Variants in GRM7 observed in about 807,000 individuals in gnomAD.
GRM7 encodes metabotropic glutamate receptor 7.
A neutral mutation model predicts 84.5 loss-of-function variants in GRM7; 35 were observed. The observed-to-expected ratio is 0.41, with a 90% CI of 0.32 to 0.55. GRM7 has a LOEUF of 0.55. GRM7 is among the 20% of genes least tolerant of loss of function. GRM7 has a pLI of 0.19. For synonymous variants in GRM7, 487 were observed against 455.1 expected (o/e 1.07, Z -0.89); for missense variants, 1,003 against 1,194.6 (o/e 0.84, Z 2.36).
chr3:7,253,419 A>T (rs534898876), intron 2 of GRM7, among the ~76,000 whole-genome samples: 60 of 152,110 alleles, frequency 3.9e-4, no homozygotes, highest in Admixed American at 1.8e-3. Flanking sequence ...GTTGGAGTCC[A>T]GCCTGGCCAA....
chr3:7,617,579 T>C, intron 8 of GRM7, among the ~76,000 whole-genome samples: 1 of 152,034 alleles, frequency 6.6e-6, no homozygotes, highest in East Asian at 1.9e-4. Flanking sequence ...AAAATATTGT[T>C]AGCAAACAAA....
chr3:7,560,878 G>A (rs1693992451), intron 7 of GRM7, among the ~76,000 whole-genome samples: 1 of 151,858 alleles, frequency 6.6e-6, no homozygotes, highest in Non-Finnish European at 1.5e-5. Flanking sequence ...TATTATTTTT[G>A]CCTTGGCCGT....
At chr3:7,718,110 T>C (rs1025081578) in intron 9 of GRM7, among the ~76,000 whole-genome samples, 1 of 152,196 alleles carries the variant, frequency 6.6e-6, no homozygotes, top group Non-Finnish European at 1.5e-5. Flanking sequence ...ACTTAACCTC[T>C]CTGTGCCTCT....
intron 1 of GRM7, among the ~76,000 whole-genome samples, chr3:7,131,715 G>C (rs190680969): frequency 6.8e-4 from 104 of 152,176 alleles, no homozygotes; most frequent in African/African-American, 2.5e-3. Context: ...TTGACCTCGT[G>C]ATCCACCCGT....
At chr3:7,024,892 T>C (rs1489218137) in intron 1 of GRM7, among the ~76,000 whole-genome samples, 1 of 152,232 alleles carries the variant, frequency 6.6e-6, no homozygotes, top group Non-Finnish European at 1.5e-5. Context: ...ACCACAACCT[T>C]AGTGGCTTAA....
At chr3:7,446,177 A>G (rs1019993752) in intron 5 of GRM7, among the ~76,000 whole-genome samples, 29 of 152,324 alleles carry the variant, frequency 1.9e-4, no homozygotes, top group Non-Finnish European at 4.0e-4. Context: ...GCAAAGTCTA[A>G]AAGCACTGCC....
chr3:7,255,978 T>G (rs1698181313), intron 2 of GRM7, among the ~76,000 whole-genome samples: 1 of 152,162 alleles, frequency 6.6e-6, no homozygotes, highest in African/African-American at 2.4e-5. Flanking sequence ...ATAAAATACA[T>G]GCCTTTCACC....
chr3:7,546,089 T>A (rs1340183601), intron 7 of GRM7, among the ~76,000 whole-genome samples: 1 of 152,196 alleles, frequency 6.6e-6, no homozygotes. Flanking sequence ...ATTAAAACCA[T>A]ACTAAAAGTG....
At chr3:7,638,492 G>C (rs982180718) in intron 8 of GRM7, among the ~76,000 whole-genome samples, 1 of 152,110 alleles carries the variant, frequency 6.6e-6, no homozygotes, top group Non-Finnish European at 1.5e-5. Context: ...TGCCCACTAA[G>C]GTCTCCACAT....
At chr3:7,440,869 A>G (rs1469700991) in intron 5 of GRM7, among the ~76,000 whole-genome samples, 1 of 152,116 alleles carries the variant, frequency 6.6e-6, no homozygotes, top group Non-Finnish European at 1.5e-5. Flanking sequence ...GTGTATATGT[A>G]CTACATTTTC....
chr3:7,160,369 G>C (rs148751645), intron 2 of GRM7, among the ~76,000 whole-genome samples: 1 of 152,160 alleles, frequency 6.6e-6, no homozygotes, highest in Non-Finnish European at 1.5e-5. Context: ...GAACATGTCA[G>C]AGGAATGGAT....
At position 7,574,570 on chromosome 3, in the gene GRM7, T is replaced by A. The variant is rs137927578; in HGVS notation, c.1516-3852T>A. On this transcript the variant is annotated intron_variant, in intron 7 of 9. Transcript: ENST00000357716. ...TGGAAGTGAGAAGTACAAAATAGAG[T>A]CACGTGTCAAAACGCTAACCAAAAT... Among the ~76,000 whole-genome samples the A allele has an allele frequency of 1.6e-3, 249 of 152,038 alleles. 2 individuals are homozygous for A. The highest frequency in any genetic ancestry group is 1.2e-3 in the Non-Finnish European group (81 of 67,982).
intron 1 of GRM7, among the ~76,000 whole-genome samples, chr3:6,890,585 T>A (rs943477273): frequency 6.6e-6 from 1 of 152,230 alleles, no homozygotes; most frequent in Non-Finnish European, 1.5e-5. Flanking sequence ...GATTGCACTG[T>A]GGTCTGAGAG....
intron 1 of GRM7, among the ~76,000 whole-genome samples, chr3:7,046,224 TTTTG>T (rs775738207): frequency 2.0e-5 from 3 of 152,102 alleles, no homozygotes; most frequent in Non-Finnish European, 2.9e-5. Context: ...ATCTGTGTGT[TTTTG>T]TTTGTTTGTT....
chr3:7,684,087 T>C (rs2125144675), intron 9 of GRM7, among the ~76,000 whole-genome samples: 1 of 152,310 alleles, frequency 6.6e-6, no homozygotes, highest in Admixed American at 6.5e-5. Context: ...AAAATGCATG[T>C]ATATAGGAAA....
chr3:7,053,070 T>G (rs1183632532), intron 1 of GRM7, among the ~76,000 whole-genome samples: 1 of 149,162 alleles, frequency 6.7e-6, no homozygotes, highest in Non-Finnish European at 1.5e-5. Context: ...CTTTTGTTTT[T>G]CTTGGGTTTT....
intron 1 of GRM7, among the ~76,000 whole-genome samples, chr3:6,865,366 T>G (rs966021237): frequency 7.9e-5 from 12 of 152,182 alleles, no homozygotes; most frequent in Non-Finnish European, 4.4e-5. Flanking sequence ...GTAAGGTATA[T>G]TACAGTGGAA....
chr3:6,969,264 A>T (rs1051184154), intron 1 of GRM7, among the ~76,000 whole-genome samples: 9 of 152,172 alleles, frequency 5.9e-5, no homozygotes, highest in African/African-American at 2.2e-4. Context: ...CTGCCTGACT[A>T]ATATAGGTCA....
chr3:6,875,989 C>T (rs938572379), intron 1 of GRM7, among the ~76,000 whole-genome samples: 2 of 152,064 alleles, frequency 1.3e-5, no homozygotes, highest in Admixed American at 6.6e-5. Context: ...ATGGCATGGC[C>T]GGGCGTAGTG....
Sources: gnomAD v4.1 joint callset for allele counts (sites outside exome capture counted in the v4.1 genomes callset) on GRCh38, gnomAD v4.1.1 for gene constraint, MANE v1.5 for transcripts, NCBI Gene and HGNC (gene_info 2026-07-23, HGNC 2026-07-21) for gene names.